The following WEE1 variants were observed in gnomAD, a reference collection of about 807,000 sequenced individuals.
The protein encoded by WEE1 is wee1-like protein kinase.
A neutral mutation model predicts 68.8 loss-of-function variants in WEE1; 16 were observed. The ratio of observed to expected loss-of-function variants is 0.23; its 90% CI spans 0.16 to 0.35. The LOEUF is 0.35. Ranked by LOEUF, WEE1 falls within the 10% of genes least tolerant of loss-of-function variation. The pLI, the probability that WEE1 is intolerant of heterozygous loss-of-function variation, is 1.00. For synonymous variants in WEE1, 349 were observed against 318.7 expected (o/e 1.09, Z -1.01); for missense variants, 651 against 824.1 (o/e 0.79, Z 2.57).
At chr11:9,583,037 C>A (rs577704691) in intron 6 of WEE1, among the ~76,000 whole-genome samples, 2 of 151,914 alleles carry the variant, frequency 1.3e-5, no homozygotes, top group African/African-American at 4.8e-5. Context: ...AAATTTAGAC[C>A]AGGTGCAGTG....
At position 9,588,960 on chromosome 11, in the gene WEE1, C is replaced by A; in HGVS notation, c.*358C>A. 2 of 988,370 alleles carry A rather than the reference C, an allele frequency of 2.0e-6. No individual in the cohort carries two copies. The highest frequency in any genetic ancestry group is 1.1e-4 in the East Asian group (1 of 9,004). The allele number at this position is 988,370 out of a possible 1,614,324, so 61.2% of individuals were successfully genotyped here. ...CTCAAGGGCTTTATTACAGACATAC[C>A]CTCCCTTTGAAAAGGGACATGCTAA... is the stretch of plus-strand genomic sequence containing the variant. On this transcript the variant is annotated 3_prime_UTR_variant, in exon 11 of 11. Transcript: ENST00000450114.
At position 9,588,806 on chromosome 11, in the gene WEE1, G is replaced by A. The variant is rs1437593786; in HGVS notation, c.*204G>A. 1 of 1,175,204 alleles carries A rather than the reference G, an allele frequency of 8.5e-7. No homozygotes were observed. 72.8% of individuals were successfully genotyped at this position (1,175,204 alleles called of 1,614,324 possible). A position where few individuals can be genotyped will look rare whatever the true frequency, so the allele number is the denominator to read the frequency against. On this transcript the variant is annotated 3_prime_UTR_variant, in exon 11 of 11. Transcript: ENST00000450114. Reference sequence around the variant, plus strand: ...ATCTAATCTTACCAGTCTGTCTTCTGTAGGATGTGTCACTGTTGGATGTTA... The same window carrying A: ...ATCTAATCTTACCAGTCTGTCTTCTATAGGATGTGTCACTGTTGGATGTTA...
In WEE1 at chr11:9,574,503, G is replaced by A; in HGVS notation, c.570G>A (p.Thr190=). The A allele has an allele frequency of 2.4e-6, 3 of 1,225,460 alleles. No individual in the cohort carries two copies. The highest frequency in any genetic ancestry group is 3.0e-6 in the Non-Finnish European group (3 of 986,518). 75.9% of individuals were successfully genotyped at this position (1,225,460 alleles called of 1,614,324 possible). ...TGCGACTCTTCGACACCCCGCACACGCCCAAGGTGAGAGCGGCGGGCGCGG... is the reference window on the plus strand; with the variant it reads ...TGCGACTCTTCGACACCCCGCACACACCCAAGGTGAGAGCGGCGGGCGCGG... ...RKLRLFDTPH[T]PKSLLSKARG... is the part of the protein sequence containing the mutation. The change falls in exon 1 of 11, where the codon ACG becomes ACA. Residue 190 remains threonine, a synonymous_variant. Coordinates refer to ENST00000450114, the MANE Select transcript of WEE1 (RefSeq NM_003390.4). The surrounding 1 kb of genome is among the most constrained non-coding windows in gnomAD (Gnocchi z 4.9).
At chr11:9,585,583 G>A (rs1395960369) in intron 8 of WEE1, 56 bp downstream of exon 8, 2 of 1,327,078 alleles carry the variant, frequency 1.5e-6, no homozygotes. Context: ...GCAGTTGATA[G>A]AAGAATATAA....
At position 9,586,691 on chromosome 11, in the gene WEE1, A is replaced by C. The variant is rs1849703563; in HGVS notation, c.1642-20A>C. ...TTATTAAATGCATGTCTTTACCTTC[A>C]TTTTACTTTTCTTTTTAAGGTTATG... On this transcript the variant is annotated intron_variant, in intron 9 of 10. Transcript: ENST00000450114. 2 of 1,610,744 alleles carry C rather than the reference A, an allele frequency of 1.2e-6. No individual in the cohort carries two copies. Among genetic ancestry groups the C allele is most frequent in the Admixed American group, 1.7e-5 (1 of 59,032 alleles).
chr11:9,586,761 A>G lies in WEE1; in HGVS notation c.1692A>G (p.Val564=), dbSNP rs982230271. 6.2e-7 allele frequency: 1 copy of G among 1,613,986 alleles called. No homozygotes were observed. The highest frequency in any genetic ancestry group is 1.3e-5 in the African/African-American group (1 of 74,942). The stretch of plus-strand genomic sequence containing the variant: ...GAAGACCTTCAGCAATGGCACTGGT[A>G]AAGCATTCAGTATTGCTGTCCGCTT... ...PERRPSAMAL[V]KHSVLLSASR... The change falls in exon 10 of 11, where the codon GTA becomes GTG. Residue 564 remains valine, a synonymous_variant. Transcript: ENST00000450114.
intron 7 of WEE1, 43 bp from the exon 8 acceptor site, chr11:9,585,399 G>C: frequency 1.2e-6 from 2 of 1,607,974 alleles, no homozygotes; most frequent in Non-Finnish European, 1.7e-6. Context: ...AGAGAAGGCT[G>C]TTTTGTTTTT....
chr11:9,582,688 T>C (rs369824598), intron 6 of WEE1, among the ~76,000 whole-genome samples: 2 of 152,234 alleles, frequency 1.3e-5, no homozygotes, highest in East Asian at 3.9e-4. Context: ...TGCCTCCGCC[T>C]CCCGAGTAGC....
intron 8 of WEE1, among the ~76,000 whole-genome samples, chr11:9,585,875 A>T (rs1480253387): frequency 6.6e-6 from 1 of 152,220 alleles, no homozygotes; most frequent in African/African-American, 2.4e-5. Context: ...ATATACAAAT[A>T]CAAGTTGAGA....
chr11:9,585,129 AT>A, intron 6 of WEE1, 128 bp from the exon 7 acceptor site: 1 of 735,598 alleles, frequency 1.4e-6, no homozygotes, highest in Non-Finnish European at 2.2e-6. Context: ...TGCTTATTCC[AT>A]GGGTTTGGGC....
chr11:9,575,955 T>C lies in WEE1; in HGVS notation c.644T>C (p.Met215Thr), dbSNP rs1232752009. Reference protein sequence around the residue: ...SVKLRGSSLFMDTEKSGKREF... With the variant: ...SVKLRGSSLFTDTEKSGKREF... Reference sequence around the variant, plus strand: ...AAACTCCGGGGTAGTTCTCTCTTCATGGATACAGAAAAATCAGGAAAAAGG... The same window carrying C: ...AAACTCCGGGGTAGTTCTCTCTTCACGGATACAGAAAAATCAGGAAAAAGG... The change falls in exon 2 of 11, where the codon ATG becomes ACG. Residue 215 changes from methionine to threonine, a missense_variant. Met to Thr is a moderately conservative substitution (Grantham distance 81). Transcript: ENST00000450114. 2 of 1,614,200 alleles carry C rather than the reference T, an allele frequency of 1.2e-6. No homozygotes were observed. The highest frequency in any genetic ancestry group is 3.3e-4 in the Middle Eastern group (2 of 6,062).
chr11:9,583,653 C>T (rs975617096), intron 6 of WEE1, among the ~76,000 whole-genome samples: 6 of 147,892 alleles, frequency 4.1e-5, no homozygotes, highest in African/African-American at 1.5e-4. Context: ...CAAATACCAT[C>T]ACAAAATAAG....
chr11:9,574,252 G>A lies in WEE1; in HGVS notation c.319G>A (p.Gly107Ser), dbSNP rs919320477. 1.4e-5 allele frequency: 17 copies of A among 1,206,840 alleles called. No individual in the cohort carries two copies. The highest frequency in any genetic ancestry group is 1.8e-5 in the Non-Finnish European group (17 of 970,230). 74.8% of individuals were successfully genotyped at this position (1,206,840 alleles called of 1,614,324 possible). A position where few individuals can be genotyped will look rare whatever the true frequency, so the allele number is the denominator to read the frequency against. ...CTGCCCGGGCGCGGACGAGGCGGGC[G>A]GTGGGGCGGAGGGCGACTCGTGGGA... ...GACPGADEAGGGAEGDSWEEE... is the reference protein window; with the variant it reads ...GACPGADEAGSGAEGDSWEEE... Residue 107 changes from glycine to serine, a missense_variant, in exon 1 of 11, where the codon GGT becomes AGT. By Grantham distance (56) the Gly-to-Ser change is moderately conservative (BLOSUM62 0). Transcript: ENST00000450114. This position sits in a 1 kb window ranked among gnomAD's most constrained non-coding sequence, Gnocchi z 4.9.
chr11:9,574,504 C>A lies in WEE1; in HGVS notation c.571C>A (p.Pro191Thr). 8.1e-7 allele frequency: 1 copy of A among 1,228,976 alleles called. No homozygotes were observed. The allele number at this position is 1,228,976 out of a possible 1,614,324, so 76.1% of individuals were successfully genotyped here. The change falls in exon 1 of 11, where the codon CCC becomes ACC. Residue 191 changes from proline (P) to threonine (T), a missense_variant. By Grantham distance (38) the Pro-to-Thr change is conservative. Transcript: ENST00000450114. This position sits in a 1 kb window ranked among gnomAD's most constrained non-coding sequence, Gnocchi z 4.9. ...GCGACTCTTCGACACCCCGCACACG[C>A]CCAAGGTGAGAGCGGCGGGCGCGGG... ...KLRLFDTPHT[P>T]KSLLSKARGI... is the part of the protein sequence containing the mutation.
Position 9,589,427 on chromosome 11 carries a change from C to T in WEE1, c.*825C>T, listed in dbSNP as rs1849738443. On this transcript the variant is annotated 3_prime_UTR_variant, in exon 11 of 11. Coordinates refer to ENST00000450114, the MANE Select transcript of WEE1 (RefSeq NM_003390.4). ...TCCCGGACTCTTTTTAAATGTCTCC[C>T]CCTAAGTTTTATACTTGATTGTATT... is the stretch of plus-strand genomic sequence containing the variant. 2.0e-6 allele frequency: 2 copies of T among 984,856 alleles called. No individual in the cohort carries two copies. Among genetic ancestry groups the T allele is most frequent in the African/African-American group, 1.7e-5 (1 of 57,166 alleles). 61.0% of individuals were successfully genotyped at this position (984,856 alleles called of 1,614,324 possible).
Position 9,588,665 on chromosome 11 carries a change from A to C in WEE1, c.*63A>C. 1 of 1,414,474 alleles carries C rather than the reference A, an allele frequency of 7.1e-7. No individual in the cohort carries two copies. 87.6% of individuals were successfully genotyped at this position (1,414,474 alleles called of 1,614,324 possible). Reference sequence around the variant, plus strand: ...AGAGGAAGCTAGGTTGAAATCACTGATAGAATCCAGTTTGCAATTACTTTC... The same window carrying C: ...AGAGGAAGCTAGGTTGAAATCACTGCTAGAATCCAGTTTGCAATTACTTTC... On this transcript the variant is annotated 3_prime_UTR_variant, in exon 11 of 11. Transcript: ENST00000450114.
chr11:9,588,624 C>T lies in WEE1; in HGVS notation c.*22C>T, dbSNP rs761462789. ...CTGAGCTACTCCTTTCCCACCTCCC[C>T]CTGAACACTGTGACAAGAGGAAGCT... is the stretch of plus-strand genomic sequence containing the variant. On this transcript the variant is annotated 3_prime_UTR_variant, in exon 11 of 11. Transcript: ENST00000450114. 1.3e-6 allele frequency: 2 copies of T among 1,506,670 alleles called. No homozygotes were observed. The highest frequency in any genetic ancestry group is 1.8e-6 in the Non-Finnish European group (2 of 1,131,208). 93.3% of individuals were successfully genotyped at this position (1,506,670 alleles called of 1,614,324 possible).
chr11:9,582,053 A>G (rs1251321212), intron 6 of WEE1, among the ~76,000 whole-genome samples: 1 of 152,206 alleles, frequency 6.6e-6, no homozygotes, highest in East Asian at 1.9e-4. Flanking sequence ...TAAAAGCCAG[A>G]AATTTTTGCT....
At chr11:9,585,644 T>G in intron 8 of WEE1, 117 bp downstream of exon 8, 6 of 869,404 alleles carry the variant, frequency 6.9e-6, no homozygotes, top group Non-Finnish European at 9.9e-6. Flanking sequence ...AAATAAAATC[T>G]AAACCGTCAT....
Sources: gnomAD v4.1 joint callset for allele counts (sites outside exome capture counted in the v4.1 genomes callset) on GRCh38, gnomAD v4.1.1 for gene constraint, Gnocchi (gnomAD v3.1) non-coding constraint, MANE v1.5 for transcripts, NCBI Gene and HGNC (gene_info 2026-07-23, HGNC 2026-07-21) for gene names.